ROBO1: variants seen among roughly 807,000 people sequenced by gnomAD.
ROBO1 encodes roundabout homolog 1.
A neutral mutation model predicts 195.9 loss-of-function variants in ROBO1; 149 were observed. The ratio of observed to expected loss-of-function variants is 0.76; its 90% confidence interval spans 0.67 to 0.87. The LOEUF is 0.87. Among genes scored for constraint, ROBO1 ranks in the 40% least tolerant of loss-of-function variants. The pLI is 0.00. For missense variants in ROBO1, 1,933 were observed against 2,068.3 expected (o/e 0.93, Z 1.27); for synonymous variants, 816 against 733.2 (o/e 1.11, Z -1.82).
At chr3:78,656,902 C>T (rs1323582487) in intron 18 of ROBO1, among the ~76,000 whole-genome samples, 196 bp downstream of exon 18, 1 of 152,070 alleles carries the variant, frequency 6.6e-6, no homozygotes, top group African/African-American at 2.4e-5. Flanking sequence ...GTCTGTCTCT[C>T]TCTCTCTCTC....
chr3:79,306,207 G>A (rs896659583), intron 2 of ROBO1, among the ~76,000 whole-genome samples: 2 of 152,104 alleles, frequency 1.3e-5, no homozygotes, highest in Non-Finnish European at 2.9e-5. Context: ...ATTTTCAAAT[G>A]TTTTTCAAAA....
chr3:79,097,801 A>T (rs1204264164), intron 3 of ROBO1, among the ~76,000 whole-genome samples: 1 of 151,656 alleles, frequency 6.6e-6, no homozygotes, highest in Non-Finnish European at 1.5e-5. Context: ...ATATTCTATT[A>T]TATATGTTAT....
chr3:78,905,472 A>G (rs1206085498), intron 4 of ROBO1, among the ~76,000 whole-genome samples: 2 of 152,020 alleles, frequency 1.3e-5, no homozygotes, highest in Non-Finnish European at 2.9e-5. Flanking sequence ...ACCCTAAATT[A>G]GCCAGACGTG....
intron 1 of ROBO1, among the ~76,000 whole-genome samples, chr3:79,686,700 G>A (rs1045481356): frequency 6.6e-6 from 1 of 152,116 alleles, no homozygotes; most frequent in Non-Finnish European, 1.5e-5. Flanking sequence ...ACAAACCACT[G>A]CTCAATGAAA....
chr3:78,626,413 A>T (rs938809667), intron 26 of ROBO1, among the ~76,000 whole-genome samples: 48 of 152,336 alleles, frequency 3.2e-4, no homozygotes, highest in Middle Eastern at 3.4e-3. Context: ...GTTAATAAAC[A>T]TTGCAAAATT....
intron 2 of ROBO1, among the ~76,000 whole-genome samples, chr3:79,537,787 G>A (rs958567360): frequency 6.6e-6 from 1 of 151,916 alleles, no homozygotes; most frequent in African/African-American, 2.4e-5. Flanking sequence ...TAATGCATGT[G>A]GGGCTTAAAA....
At chr3:79,198,260 A>G (rs979278081) in intron 2 of ROBO1, among the ~76,000 whole-genome samples, 1 of 152,112 alleles carries the variant, frequency 6.6e-6, no homozygotes, top group Non-Finnish European at 1.5e-5. Context: ...GCATATGGCT[A>G]GCTAGTTTTC....
chr3:79,100,321 G>C (rs749968880), intron 3 of ROBO1, among the ~76,000 whole-genome samples: 1 of 151,816 alleles, frequency 6.6e-6, no homozygotes, highest in Non-Finnish European at 1.5e-5. Context: ...TGGAGAAGTA[G>C]TGTTTCCAAT....
intron 3 of ROBO1, among the ~76,000 whole-genome samples, chr3:79,076,804 G>A (rs1452974890): frequency 6.6e-6 from 1 of 151,698 alleles, no homozygotes; most frequent in Non-Finnish European, 1.5e-5. Flanking sequence ...AGCAGAGGTT[G>A]GAGGCCTTTT....
chr3:78,676,907 G>A (rs1708470059), intron 10 of ROBO1, among the ~76,000 whole-genome samples: 2 of 152,122 alleles, frequency 1.3e-5, no homozygotes, highest in South Asian at 2.1e-4. Context: ...AGGAAAAAAT[G>A]TTAAGGGCAG....
At chr3:79,116,217 T>C (rs945630273) in intron 3 of ROBO1, among the ~76,000 whole-genome samples, 3 of 152,154 alleles carry the variant, frequency 2.0e-5, no homozygotes, top group Non-Finnish European at 4.4e-5. Flanking sequence ...AGTATTTGCA[T>C]ATAACCCACA....
chr3:79,225,618 C>T (rs1240750757), intron 2 of ROBO1, among the ~76,000 whole-genome samples: 1 of 152,134 alleles, frequency 6.6e-6, no homozygotes, highest in Non-Finnish European at 1.5e-5. Flanking sequence ...TGTCTAGTAC[C>T]ATGTGTATTT....
At chr3:79,259,001 C>A (rs917183455) in intron 2 of ROBO1, among the ~76,000 whole-genome samples, 1 of 152,096 alleles carries the variant, frequency 6.6e-6, no homozygotes, top group Admixed American at 6.6e-5. Flanking sequence ...GAGAAAACAC[C>A]ACATATATAA....
intron 3 of ROBO1, among the ~76,000 whole-genome samples, chr3:79,120,196 A>G (rs2080089935): frequency 6.6e-6 from 1 of 152,242 alleles, no homozygotes. Flanking sequence ...GGAGAAAAAA[A>G]CAAAGAGTTA....
At chr3:79,214,793 C>A (rs1224271642) in intron 2 of ROBO1, among the ~76,000 whole-genome samples, 2 of 145,634 alleles carry the variant, frequency 1.4e-5, no homozygotes, top group African/African-American at 2.5e-5. Context: ...TATATATACA[C>A]CATACCACAA....
intron 3 of ROBO1, among the ~76,000 whole-genome samples, chr3:78,984,693 T>C (rs1342517430): frequency 2.0e-5 from 3 of 152,114 alleles, no homozygotes; most frequent in African/African-American, 7.2e-5. Context: ...AAATGGGCCA[T>C]TCGGACAGCT....
intron 10 of ROBO1, among the ~76,000 whole-genome samples, chr3:78,683,049 A>G (rs1031181106): frequency 6.6e-6 from 1 of 151,832 alleles, no homozygotes; most frequent in Non-Finnish European, 1.5e-5. Flanking sequence ...TAATGGACAT[A>G]TTTTTCTTGA....
rs2107672100 is a variant in ROBO1, at chr3:78,662,088, C to A, written c.1993G>T (p.Asp665Tyr). The change falls in exon 15 of 31, where the codon GAC (aspartate) becomes TAC (tyrosine). Residue 665 changes from aspartate (D) to tyrosine (Y), a missense_variant. Physicochemically the swap from Asp to Tyr is radical, Grantham distance 160 (BLOSUM62 -3). Around this residue, in one of 3 missense-constraint regions of ROBO1, gnomAD observed 1,737 missense variants for 1,882.5 expected, o/e 0.92. Transcript: ENST00000464233. ...QDVLPTSQGVDHKQVQRELGN... is the reference protein window; with the variant it reads ...QDVLPTSQGVYHKQVQRELGN... ...AGCTCTCTCTGGACCTGCTTGTGGT[C>A]CACCCCCTGACTTGTTGGTAGGACA... The A allele has an allele frequency of 1.3e-6, 2 of 1,569,216 alleles. No individual in the cohort carries two copies. Among genetic ancestry groups the A allele is most frequent in the Middle Eastern group, 1.7e-4 (1 of 5,952 alleles).
At chr3:79,660,441 G>A (rs1013196171) in intron 1 of ROBO1, among the ~76,000 whole-genome samples, 7 of 152,050 alleles carry the variant, frequency 4.6e-5, no homozygotes, top group Admixed American at 3.3e-4. Flanking sequence ...GCTACAATGC[G>A]ATCACTCCCA....
Sources: gnomAD v4.1 joint callset for allele counts (sites outside exome capture counted in the v4.1 genomes callset) on GRCh38, gnomAD v4.1.1 for gene constraint, gnomAD v4.1.1 regional missense constraint, MANE v1.5 for transcripts, NCBI Gene and HGNC (gene_info 2026-07-23, HGNC 2026-07-21) for gene names.